TSPOAP1: variants seen among roughly 807,000 people sequenced by gnomAD.
TSPOAP1 encodes peripheral-type benzodiazepine receptor-associated protein 1.
A neutral mutation model predicts 197.0 loss-of-function variants in TSPOAP1; 87 were observed. That is an observed-to-expected ratio of 0.44 (90% CI 0.37 to 0.53). The LOEUF (loss-of-function observed/expected upper bound fraction) is 0.53. TSPOAP1 is among the 20% of genes least tolerant of loss of function. TSPOAP1 has a pLI of 0.00. For missense variants in TSPOAP1, 2,174 were observed against 2,411.3 expected (o/e 0.90, Z 2.06); for synonymous variants, 913 against 998.9 (o/e 0.91, Z 1.62).
chr17:58,318,538 C>T (rs1192722490), intron 13 of TSPOAP1, 86 bp from the exon 14 acceptor site: 10 of 1,343,868 alleles, frequency 7.4e-6, no homozygotes, highest in Non-Finnish European at 1.0e-5. Context: ...ATATGGGGAC[C>T]AGGCCCTCCA....
At chr17:58,307,328 C>T in intron 24 of TSPOAP1, 1 of 536,162 alleles carries the variant, frequency 1.9e-6, no homozygotes, top group Non-Finnish European at 3.3e-6. Flanking sequence ...GCAGTTTAAG[C>T]ACTTTATGTA....
intron 15 of TSPOAP1, 100 bp from the exon 16 acceptor site, chr17:58,316,232 T>C (rs1273139854): frequency 8.5e-6 from 10 of 1,183,210 alleles, no homozygotes; most frequent in Non-Finnish European, 1.3e-5. Context: ...TACGGAGACT[T>C]GGTTGTGGTT....
At chr17:58,321,505 C>T (rs569720984) in intron 10 of TSPOAP1, among the ~76,000 whole-genome samples, 1 of 152,286 alleles carries the variant, frequency 6.6e-6, no homozygotes, top group East Asian at 1.9e-4. Flanking sequence ...ACCATATTGG[C>T]CAGGCTGGCC....
At chr17:58,327,539 G>T in intron 1 of TSPOAP1, 49 bp downstream of exon 1, 1 of 1,566,154 alleles carries the variant, frequency 6.4e-7, no homozygotes, top group South Asian at 1.2e-5. Context: ...TGGAGGACAT[G>T]GTGAGAGACC....
At position 58,316,091 on chromosome 17, in the gene TSPOAP1, T is replaced by G; in HGVS notation, c.2030A>C (p.Glu677Ala). 1 of 1,614,126 alleles carries G rather than the reference T, an allele frequency of 6.2e-7. No individual in the cohort carries two copies. The highest frequency in any genetic ancestry group is 8.5e-7 in the Non-Finnish European group (1 of 1,180,016). ...FEGPNENPEAELPLTAGEYIY... is the reference protein window; with the variant it reads ...FEGPNENPEAALPLTAGEYIY... ...GTACTCGCCAGCTGTCAGCGGAAGC[T>G]CTGCTTCTGGATTCTCATTGGGACC... Residue 677 changes from glutamate to alanine, a missense_variant, in exon 16 of 32, where the codon GAG (glutamate) becomes GCG (alanine). Around this residue, in one of 5 missense-constraint regions of TSPOAP1, gnomAD observed 1,933 missense variants for 2,139.0 expected, o/e 0.90. Coordinates refer to ENST00000343736, the MANE Select transcript of TSPOAP1 (RefSeq NM_004758.4).
At position 58,307,904 on chromosome 17, in the gene TSPOAP1, G is replaced by C. The variant is rs758494948; in HGVS notation, c.4769C>G (p.Ser1590Cys). 4.3e-6 allele frequency: 7 copies of C among 1,613,372 alleles called. No individual in the cohort carries two copies. The East Asian group carries it at 1.3e-4, about 31-fold the overall frequency. ...TCTCTTCTGGGGGCCCCTCCGCCCAGAGCCGTCCTGCCCTCTGGCCTCTCC... is the reference window on the plus strand; with the variant it reads ...TCTCTTCTGGGGGCCCCTCCGCCCACAGCCGTCCTGCCCTCTGGCCTCTCC... ...ETGEARGQDG[S>C]GRRGPQKRGV... The change falls in exon 23 of 32, where the codon TCT becomes TGT. Residue 1590 changes from serine to cysteine, a missense_variant. Physicochemically the swap from Ser to Cys is moderately radical, Grantham distance 112 (BLOSUM62 -1). This residue lies in a region of TSPOAP1 where 1,933 missense variants were observed against 2,139.0 expected (regional missense o/e 0.90). Coordinates refer to ENST00000343736, the MANE Select transcript of TSPOAP1 (RefSeq NM_004758.4).
At chr17:58,320,381 G>A (rs563236512) in intron 11 of TSPOAP1, 150 bp downstream of exon 11, 1 of 1,036,534 alleles carries the variant, frequency 9.6e-7, no homozygotes. Context: ...ATAGGCCAGT[G>A]GTGGAGGGGA....
chr17:58,324,862 G>C lies in TSPOAP1; in HGVS notation c.891C>G (p.Gly297=). 15 of 1,529,432 alleles carry C rather than the reference G, an allele frequency of 9.8e-6. No individual in the cohort carries two copies. The highest frequency in any genetic ancestry group is 1.2e-5 in the Non-Finnish European group (14 of 1,143,150). 94.7% of individuals were successfully genotyped at this position (1,529,432 alleles called of 1,614,324 possible). Residue 297 remains glycine, a synonymous_variant, in exon 5 of 32, where the codon GGC becomes GGG. Coordinates refer to ENST00000343736, the MANE Select transcript of TSPOAP1 (RefSeq NM_004758.4). This position sits in a 1 kb window ranked among gnomAD's most constrained non-coding sequence, Gnocchi z 5.8. ...CCCCTGCTCTGGCCTGGAGAGCAGG[G>C]CCCGGGGGCCAGGACGGCGGGAGCG... ...TLPLPPSWPP[G]PALQARAGAP... is the part of the protein sequence containing the mutation.
In TSPOAP1 at chr17:58,326,601, A is replaced by G; in HGVS notation, c.441+82T>C. On this transcript the variant is annotated intron_variant, in intron 2 of 31. Coordinates refer to ENST00000343736, the MANE Select transcript of TSPOAP1 (RefSeq NM_004758.4). This position sits in a 1 kb window ranked among gnomAD's most constrained non-coding sequence, Gnocchi z 4.7. ...ACCTCCATTGAGCCCCCACTTGGAA[A>G]GATGTTCATGGGGTGAGGAGGGCAC... 2 of 1,548,774 alleles carry G rather than the reference A, an allele frequency of 1.3e-6. No homozygotes were observed. The highest frequency in any genetic ancestry group is 2.3e-5 in the East Asian group (1 of 44,322).
intron 17 of TSPOAP1, 73 bp from the exon 18 acceptor site, chr17:58,311,795 T>C (rs1971085336): frequency 2.7e-6 from 4 of 1,499,836 alleles, no homozygotes; most frequent in African/African-American, 1.4e-5. Flanking sequence ...AATTTGCTAT[T>C]TCCCTGATAA....
rs1318338109 is a variant in TSPOAP1 at position 58,311,200 on chromosome 17, G to A, written c.3095C>T (p.Ala1032Val). Reference sequence around the variant, plus strand: ...CAGTACACTGCCTGCCGTGGGTGAGGCCACCTCCATGATCTGCAGGGTGGA... The same window carrying A: ...CAGTACACTGCCTGCCGTGGGTGAGACCACCTCCATGATCTGCAGGGTGGA... ...YADGQKIMEV[A>V]SPTAGSVLVE... Residue 1032 changes from alanine (A) to valine (V), a missense_variant, in exon 19 of 32, where the codon GCC (alanine) becomes GTC (valine). By Grantham distance (64) the Ala-to-Val change is moderately conservative (BLOSUM62 0). Transcript: ENST00000343736. 2 of 1,611,628 alleles carry A rather than the reference G, an allele frequency of 1.2e-6. No individual in the cohort carries two copies. Among genetic ancestry groups the A allele is most frequent in the Non-Finnish European group, 1.7e-6 (2 of 1,179,706 alleles).
intron 5 of TSPOAP1, among the ~76,000 whole-genome samples, chr17:58,323,927 G>GC (rs1390482523): frequency 6.6e-6 from 1 of 152,190 alleles, no homozygotes; most frequent in African/African-American, 2.4e-5. Context: ...GGCTGCCTGG[G>GC]CCCCCGGGGA....
rs1971112436 is a variant in TSPOAP1, at chr17:58,312,733, G to A, written c.2099-11C>T. On this transcript the variant is annotated splice_polypyrimidine_tract_variant and intron_variant, in intron 16 of 31. Coordinates refer to ENST00000343736, the MANE Select transcript of TSPOAP1 (RefSeq NM_004758.4). The stretch of plus-strand genomic sequence containing the variant: ...CATCCATGAGCTCTCCTGGCAGGAG[G>A]AGGACAGGAAGGGGCAGGGCAGGGG... 2 of 1,610,244 alleles carry A rather than the reference G, an allele frequency of 1.2e-6. No homozygotes were observed. Among genetic ancestry groups the A allele is most frequent in the African/African-American group, 2.7e-5 (2 of 74,816 alleles).
chr17:58,303,528 G>A (rs1224259525), intron 31 of TSPOAP1: 3 of 152,244 alleles, frequency 2.0e-5, no homozygotes, highest in Middle Eastern at 3.4e-3. Flanking sequence ...CTCCCTCTTA[G>A]GGCTCCTTCC....
At position 58,304,578 on chromosome 17, in the gene TSPOAP1, C is replaced by T. The variant is rs374790872; in HGVS notation, c.5545-179G>A. Reference sequence around the variant, plus strand: ...CCTCTTCACCCTCTCTCCCTGCCCTCTGAGAGTGGAGGCTTAGTTGTATTC... The same window carrying T: ...CCTCTTCACCCTCTCTCCCTGCCCTTTGAGAGTGGAGGCTTAGTTGTATTC... On this transcript the variant is annotated intron_variant, in intron 30 of 31. Transcript: ENST00000343736. The surrounding 1 kb of genome is among the most constrained non-coding windows in gnomAD (Gnocchi z 4.2). 3.2e-6 allele frequency: 2 copies of T among 620,004 alleles called. No individual in the cohort carries two copies. The allele number at this position is 620,004 out of a possible 1,614,324, so 38.4% of individuals were successfully genotyped here.
chr17:58,310,271 G>C (rs765285907), intron 20 of TSPOAP1, 113 bp from the exon 21 acceptor site: 7 of 1,243,396 alleles, frequency 5.6e-6, no homozygotes. Context: ...GAGGGAGAAA[G>C]AGCCATGTCC....
In TSPOAP1 at chr17:58,305,137, G is replaced by C; in HGVS notation, c.5468C>G (p.Ser1823Cys). Residue 1823 changes from serine to cysteine, a missense_variant, in exon 30 of 32, where the codon TCC becomes TGC. Transcript: ENST00000343736. ...AGGCCCAGGGCCCTCCAGGAAGTTG[G>C]ATGGAACCAGGCCCCTTTGTCCATT... ...ELNGQRGLVP[S>C]NFLEGPGPEA... 1 of 1,613,970 alleles carries C rather than the reference G, an allele frequency of 6.2e-7. No individual in the cohort carries two copies. The highest frequency in any genetic ancestry group is 8.5e-7 in the Non-Finnish European group (1 of 1,179,934).
rs1971444172 is a variant in TSPOAP1, at chr17:58,322,856, C to T, written c.1195-80G>A. 8.1e-6 allele frequency: 13 copies of T among 1,604,876 alleles called. No homozygotes were observed. Among genetic ancestry groups the T allele is most frequent in the Non-Finnish European group, 1.0e-5 (12 of 1,174,376 alleles). ...CCCTCACAGGGGGAACAGTACCCTA[C>T]CCCTGCTCAGGGGTGGAGGAGAAAG... On this transcript the variant is annotated intron_variant, in intron 8 of 31. Coordinates refer to ENST00000343736, the MANE Select transcript of TSPOAP1 (RefSeq NM_004758.4). This position sits in a 1 kb window ranked among gnomAD's most constrained non-coding sequence, Gnocchi z 5.0.
Position 58,327,979 on chromosome 17 carries a change from G to T in TSPOAP1, c.-59C>A. The T allele has an allele frequency of 1.4e-6, 2 of 1,435,420 alleles. No individual in the cohort carries two copies. The highest frequency in any genetic ancestry group is 1.3e-5 in the South Asian group (1 of 76,492). The allele number at this position is 1,435,420 out of a possible 1,614,324, so 88.9% of individuals were successfully genotyped here. On this transcript the variant is annotated 5_prime_UTR_variant, in exon 1 of 32. Coordinates refer to ENST00000343736, the MANE Select transcript of TSPOAP1 (RefSeq NM_004758.4). ...GGGACATCACCCAGCCAGGTGGGGGGACTGGCGAGGGTCATGCCAGGCCAG... is the reference window on the plus strand; with the variant it reads ...GGGACATCACCCAGCCAGGTGGGGGTACTGGCGAGGGTCATGCCAGGCCAG...
Sources: allele counts gnomAD v4.1 joint callset (sites outside exome capture counted in the v4.1 genomes callset), GRCh38; gene constraint gnomAD v4.1.1; regional missense constraint gnomAD v4.1.1; non-coding constraint Gnocchi (gnomAD v3.1); transcripts MANE v1.5; gene names NCBI Gene and HGNC (gene_info 2026-07-23, HGNC 2026-07-21).